ETV1: variants seen among roughly 807,000 people sequenced by gnomAD.
ETV1 encodes ETS translocation variant 1.
In ETV1, 27 loss-of-function variants were observed where a neutral mutation model predicts 62.3. The ratio of observed to expected loss-of-function variants is 0.43; its 90% confidence interval spans 0.32 to 0.60. The LOEUF (loss-of-function observed/expected upper bound fraction) is 0.60, where lower values mean the gene tolerates loss of function less well. Ranked by LOEUF, ETV1 falls within the 20% of genes least tolerant of loss-of-function variation. The pLI is 0.06. For missense variants in ETV1, 605 were observed against 605.8 expected, an observed-to-expected ratio of 1.00 and a Z score of 0.01; for synonymous variants, 222 against 199.6, an observed-to-expected ratio of 1.11 and a Z score of -0.94.
intron 5 of ETV1, 103 bp downstream of exon 5, chr7:13,986,535 A>C: frequency 6.4e-7 from 1 of 1,571,028 alleles, no homozygotes; most frequent in East Asian, 2.3e-5. Context: ...GCTCTTTTAG[A>C]GCTCAATTAA....
chr7:13,981,300 C>T (rs1255047836), intron 5 of ETV1, among the ~76,000 whole-genome samples: 1 of 152,100 alleles, frequency 6.6e-6, no homozygotes, highest in Non-Finnish European at 1.5e-5. Context: ...GCAGGCAGAA[C>T]TGGAGTTCTG....
intron 3 of ETV1, chr7:13,988,644 C>T (rs1169770849): frequency 1.4e-6 from 2 of 1,461,638 alleles, no homozygotes; most frequent in South Asian, 1.5e-5. Context: ...ACAAAAACAC[C>T]CCATATAAAC....
intron 6 of ETV1, among the ~76,000 whole-genome samples, chr7:13,960,536 T>A (rs1292130782): frequency 6.6e-6 from 1 of 152,122 alleles, no homozygotes; most frequent in Admixed American, 6.5e-5. Context: ...AATAGCAAAT[T>A]ATAAAACTTA....
Position 13,900,793 on chromosome 7 carries a change from T to C in ETV1, c.1157A>G (p.Tyr386Cys). 1 of 1,611,896 alleles carries C rather than the reference T, an allele frequency of 6.2e-7. No individual in the cohort carries two copies. Among genetic ancestry groups the C allele is most frequent in the Non-Finnish European group, 8.5e-7 (1 of 1,179,026 alleles). ...GCGGAGTGAACGGCTAAGTTTATCA[T>C]AGTTCATAGCTGGCCTGTTTTTCTG... Reference protein sequence around the residue: ...GIQKNRPAMNYDKLSRSLRYY... With the variant: ...GIQKNRPAMNCDKLSRSLRYY... The change falls in exon 13 of 14, where the codon TAT (tyrosine) becomes TGT (cysteine). Residue 386 changes from tyrosine (Y) to cysteine (C), a missense_variant. By Grantham distance (194) the Tyr-to-Cys change is radical. Transcript: ENST00000430479.
intron 6 of ETV1, 114 bp from the exon 7 acceptor site, chr7:13,939,360 T>C (rs1787208462): frequency 1.2e-6 from 1 of 854,684 alleles, no homozygotes; most frequent in Non-Finnish European, 1.7e-6. Flanking sequence ...TTAACTTACA[T>C]ATGTAAGAAA....
Position 13,895,928 on chromosome 7 carries a change from C to A in ETV1, c.1372G>T (p.Ala458Ser), listed in dbSNP as rs1233150264. The A allele has an allele frequency of 6.2e-7, 1 of 1,613,576 alleles. No individual in the cohort carries two copies. Among genetic ancestry groups the A allele is most frequent in the African/African-American group, 1.3e-5 (1 of 74,920 alleles). Residue 458 changes from alanine (A) to serine (S), a missense_variant, in exon 14 of 14, where the codon GCC (alanine) becomes TCC (serine). Ala to Ser is a moderately conservative substitution (Grantham distance 99). Coordinates refer to ENST00000430479, the MANE Select transcript of ETV1 (RefSeq NM_004956.5). The part of the protein sequence containing the change: ...VPLSHFDESM[A>S]YMPEGGCCNP... ...CAGCAGCCCCCTTCCGGCATGTAGG[C>A]CATGCTCTCATCAAAGTGAGAAAGA...
chr7:13,971,182 G>A (rs1780870291), intron 6 of ETV1, among the ~76,000 whole-genome samples: 1 of 152,126 alleles, frequency 6.6e-6, no homozygotes, highest in African/African-American at 2.4e-5. Context: ...TGTTAGCCAG[G>A]CTAGTCTCGA....
chr7:13,970,738 T>C (rs1042100712), intron 6 of ETV1, among the ~76,000 whole-genome samples: 5 of 152,028 alleles, frequency 3.3e-5, no homozygotes, highest in African/African-American at 9.7e-5. Flanking sequence ...AGAAACAAGA[T>C]GTAGGAAGGT....
intron 4 of ETV1, chr7:13,986,980 C>A: frequency 3.4e-6 from 1 of 296,706 alleles, no homozygotes; most frequent in Non-Finnish European, 6.2e-6. Context: ...CCAGAATTCA[C>A]AAAAAGGCTG....
At chr7:13,903,085 G>A (rs190759350) in intron 12 of ETV1, among the ~76,000 whole-genome samples, 1 of 152,172 alleles carries the variant, frequency 6.6e-6, no homozygotes, top group East Asian at 1.9e-4. Flanking sequence ...CTTCACATAC[G>A]ACCGACCAAT....
chr7:13,952,457 C>T (rs755496055), intron 6 of ETV1, among the ~76,000 whole-genome samples: 2 of 152,114 alleles, frequency 1.3e-5, no homozygotes, highest in Non-Finnish European at 2.9e-5. Flanking sequence ...AGGGCATTTG[C>T]TGCATTTTAG....
chr7:13,950,591 C>A (rs1788682620), intron 6 of ETV1, among the ~76,000 whole-genome samples: 1 of 152,088 alleles, frequency 6.6e-6, no homozygotes, highest in South Asian at 2.1e-4. Context: ...AGCTGTTTCT[C>A]AAAAGCAGAC....
chr7:13,926,937 T>C (rs1300682669), intron 9 of ETV1, among the ~76,000 whole-genome samples: 1 of 152,200 alleles, frequency 6.6e-6, no homozygotes, highest in South Asian at 2.1e-4. Context: ...TGAAATTGCA[T>C]TCCTGTAATT....
chr7:13,921,803 A>G (rs1157102480), intron 9 of ETV1, among the ~76,000 whole-genome samples: 1 of 152,212 alleles, frequency 6.6e-6, no homozygotes, highest in Non-Finnish European at 1.5e-5. Context: ...CCATTCAGAA[A>G]AAATATGGGA....
At chr7:13,964,542 C>G (rs1270316932) in intron 6 of ETV1, among the ~76,000 whole-genome samples, 2 of 151,974 alleles carry the variant, frequency 1.3e-5, no homozygotes, top group African/African-American at 2.4e-5. Context: ...TAATACTAAG[C>G]TAAGAATTAT....
intron 9 of ETV1, among the ~76,000 whole-genome samples, chr7:13,925,195 T>G (rs1340733567): frequency 6.6e-6 from 1 of 152,172 alleles, no homozygotes; most frequent in Admixed American, 6.5e-5. Flanking sequence ...CTGATTAAGT[T>G]GCTCCACCAC....
At chr7:13,920,441 A>AGTGTGTGT (rs4027263) in intron 9 of ETV1, among the ~76,000 whole-genome samples, 2,024 of 148,514 alleles carry the variant, frequency 0.014, 20 homozygotes, top group East Asian at 0.064. Context: ...AGAGTGAGTG[A>AGTGTGTGT]GTGTGTGTGT....
At chr7:13,940,887 T>G (rs1398956940) in intron 6 of ETV1, among the ~76,000 whole-genome samples, 1 of 152,090 alleles carries the variant, frequency 6.6e-6, no homozygotes, top group Non-Finnish European at 1.5e-5. Context: ...CAATCAAGAG[T>G]CATCTGAAAT....
chr7:13,988,381 G>A (rs960277093), intron 3 of ETV1: 1 of 581,286 alleles, frequency 1.7e-6, no homozygotes, highest in Middle Eastern at 4.5e-4. Flanking sequence ...CAGGCAGGGA[G>A]AGTTGCTTCC....
Sources: gnomAD v4.1 joint callset for allele counts (sites outside exome capture counted in the v4.1 genomes callset) on GRCh38, gnomAD v4.1.1 for gene constraint, MANE v1.5 for transcripts, NCBI Gene and HGNC (gene_info 2026-07-23, HGNC 2026-07-21) for gene names.